Variants in JAM3 observed in about 807,000 individuals in gnomAD.
JAM3 encodes the protein junctional adhesion molecule C.
JAM3 carries 31 observed loss-of-function variants against 39.4 expected under a neutral mutation model. That is an observed-to-expected ratio of 0.79 (90% CI 0.59 to 1.06). JAM3 has a LOEUF of 1.06. JAM3 is among the 50% of genes least tolerant of loss of function. The pLI, the probability that JAM3 is intolerant of heterozygous loss-of-function variation, is 0.00. For synonymous variants in JAM3, 182 were observed against 148.7 expected (o/e 1.22, Z -1.63); for missense variants, 455 against 391.4 (o/e 1.16, Z -1.37).
chr11:134,095,170 C>G (rs750461934), intron 1 of JAM3, among the ~76,000 whole-genome samples: 1 of 152,268 alleles, frequency 6.6e-6, no homozygotes. Flanking sequence ...GAAAGTAAAC[C>G]AGCATTGTTT....
At chr11:134,075,082 AT>A (rs1211545079) in intron 1 of JAM3, among the ~76,000 whole-genome samples, 3 of 141,850 alleles carry the variant, frequency 2.1e-5, no homozygotes, top group Non-Finnish European at 4.5e-5. Context: ...ATCCATATTT[AT>A]TTGGTAGTCT....
At position 134,148,687 on chromosome 11, in the gene JAM3, C is replaced by T; in HGVS notation, c.842+11C>T. ...ACAGGATGGAGAAAGGTGAGCCTGC[C>T]TTATGTGAAAAAAGGGAAGTTCAAG... On this transcript the variant is annotated intron_variant, in intron 7 of 8. Coordinates refer to ENST00000299106, the MANE Select transcript of JAM3 (RefSeq NM_032801.5). The T allele has an allele frequency of 6.2e-7, 1 of 1,614,008 alleles. No homozygotes were observed. The highest frequency in any genetic ancestry group is 1.1e-5 in the South Asian group (1 of 91,074).
At chr11:134,078,339 C>G (rs559843551) in intron 1 of JAM3, among the ~76,000 whole-genome samples, 186 of 151,988 alleles carry the variant, frequency 1.2e-3, no homozygotes, top group Middle Eastern at 6.8e-3. Context: ...AGGCTAGTCT[C>G]AAACTCCTGA....
intron 1 of JAM3, among the ~76,000 whole-genome samples, chr11:134,093,465 C>T: frequency 7.3e-6 from 1 of 136,356 alleles, no homozygotes; most frequent in Non-Finnish European, 1.6e-5. Flanking sequence ...CATGTTCCAC[C>T]TTACATCTTA....
At chr11:134,109,925 C>T (rs1351461469) in intron 1 of JAM3, among the ~76,000 whole-genome samples, 1 of 152,196 alleles carries the variant, frequency 6.6e-6, no homozygotes, top group Non-Finnish European at 1.5e-5. Context: ...CAGCTTTCAG[C>T]TTAGTTTTTT....
intron 1 of JAM3, among the ~76,000 whole-genome samples, chr11:134,135,945 C>G (rs998748699): frequency 6.6e-6 from 1 of 152,104 alleles, no homozygotes; most frequent in South Asian, 2.1e-4. Context: ...TGGCAGGCAC[C>G]TGTAATCCCA....
intron 1 of JAM3, chr11:134,070,084 T>C: frequency 2.2e-6 from 1 of 450,660 alleles, no homozygotes; most frequent in Non-Finnish European, 4.5e-6. Context: ...TTAGTGAGCT[T>C]GTACTGTCTA....
intron 1 of JAM3, among the ~76,000 whole-genome samples, chr11:134,107,461 C>A (rs1437908253): frequency 6.6e-6 from 1 of 151,856 alleles, no homozygotes; most frequent in Admixed American, 6.6e-5. Context: ...TACAGATGTA[C>A]CCTAGAACAT....
chr11:134,076,151 C>CTTT (rs551303530), intron 1 of JAM3, among the ~76,000 whole-genome samples: 33 of 120,400 alleles, frequency 2.7e-4, no homozygotes, highest in Non-Finnish European at 3.7e-4. Flanking sequence ...TCTTTTCTTT[C>CTTT]TTTTTTTTTT....
chr11:134,080,820 C>T (rs1161483522), intron 1 of JAM3, among the ~76,000 whole-genome samples: 3 of 152,082 alleles, frequency 2.0e-5, no homozygotes, highest in East Asian at 3.9e-4. Flanking sequence ...GAGGTTGGAA[C>T]AGTTTGGAGG....
intron 3 of JAM3, 22 bp downstream of exon 3, chr11:134,140,792 G>A (rs762927712): frequency 2.5e-6 from 4 of 1,599,812 alleles, no homozygotes. Context: ...TAGTCCTCTT[G>A]CCTGCTGACC....
At chr11:134,084,195 G>T (rs560055586) in intron 1 of JAM3, among the ~76,000 whole-genome samples, 1 of 152,202 alleles carries the variant, frequency 6.6e-6, no homozygotes, top group African/African-American at 2.4e-5. Flanking sequence ...TCATGATCTT[G>T]TCTTTCTGTT....
chr11:134,126,400 T>C (rs941560058), intron 1 of JAM3: 12 of 152,280 alleles, frequency 7.9e-5, no homozygotes, highest in Non-Finnish European at 1.3e-4. Context: ...GTCTTGCCCA[T>C]GCTGCAGTGC....
chr11:134,151,063 A>T lies in JAM3; in HGVS notation c.*1882A>T, dbSNP rs1943215515. Reference sequence around the variant, plus strand: ...TCACATGCCCTGCCGTGCTGGACTCAGGACTGAAGTGCTGTAAAGCAAGGA... The same window carrying T: ...TCACATGCCCTGCCGTGCTGGACTCTGGACTGAAGTGCTGTAAAGCAAGGA... On this transcript the variant is annotated 3_prime_UTR_variant, in exon 9 of 9. Transcript: ENST00000299106. 1 of 152,300 alleles carries T rather than the reference A, an allele frequency of 6.6e-6. No individual in the cohort carries two copies. The highest frequency in any genetic ancestry group is 6.5e-5 in the Admixed American group (1 of 15,290). The allele number at this position is 152,300 out of a possible 1,614,324, so 9.4% of individuals were successfully genotyped here. A position where few individuals can be genotyped will look rare whatever the true frequency, so the allele number is the denominator to read the frequency against.
intron 1 of JAM3, among the ~76,000 whole-genome samples, chr11:134,104,774 G>A (rs189714310): frequency 1.2e-4 from 19 of 152,048 alleles, no homozygotes; most frequent in African/African-American, 4.6e-4. Context: ...ATAAATTCCT[G>A]GACACATACA....
At chr11:134,078,740 TTAAA>T (rs1281045898) in intron 1 of JAM3, among the ~76,000 whole-genome samples, 1 of 152,284 alleles carries the variant, frequency 6.6e-6, no homozygotes, top group East Asian at 1.9e-4. Context: ...TTTTCCTTTT[TTAAA>T]TACAAAATTA....
intron 1 of JAM3, among the ~76,000 whole-genome samples, chr11:134,088,241 G>A (rs917276613): frequency 6.6e-5 from 10 of 151,910 alleles, no homozygotes; most frequent in Non-Finnish European, 1.5e-4. Context: ...TTAAAATTTC[G>A]ACACCAAAAC....
At chr11:134,078,396 A>G (rs1941608207) in intron 1 of JAM3, among the ~76,000 whole-genome samples, 1 of 152,184 alleles carries the variant, frequency 6.6e-6, no homozygotes, top group South Asian at 2.1e-4. Flanking sequence ...CTGGGATTAC[A>G]GGTGTGAGCC....
intron 1 of JAM3, among the ~76,000 whole-genome samples, chr11:134,136,335 G>A (rs1942864737): frequency 6.6e-6 from 1 of 152,162 alleles, no homozygotes; most frequent in South Asian, 2.1e-4. Flanking sequence ...CATCTCCTAA[G>A]TACTTCTGTC....
Sources: gnomAD v4.1 joint callset for allele counts (sites outside exome capture counted in the v4.1 genomes callset) on GRCh38, gnomAD v4.1.1 for gene constraint, MANE v1.5 for transcripts, NCBI Gene and HGNC (gene_info 2026-07-23, HGNC 2026-07-21) for gene names.